The following ENPP3 variants were observed in gnomAD, a reference collection of about 807,000 sequenced individuals.
ENPP3 encodes the protein ectonucleotide pyrophosphatase/phosphodiesterase family member 3.
A neutral mutation model predicts 117.8 loss-of-function variants in ENPP3; 104 were observed. That is an observed-to-expected ratio of 0.88 (90% CI 0.75 to 1.04). The LOEUF (loss-of-function observed/expected upper bound fraction) is 1.04. Ranked by LOEUF, ENPP3 falls within the 50% of genes least tolerant of loss-of-function variation. The pLI is 0.00. For synonymous variants in ENPP3, 380 were observed against 349.9 expected (o/e 1.09, Z -0.96); for missense variants, 1,026 against 1,051.9 (o/e 0.98, Z 0.34).
At position 131,639,265 on chromosome 6, in the gene ENPP3, A is replaced by ATATTTTTT. The variant is rs371737976; in HGVS notation, c.78+1804_78+1805insATTTTTTT. Among the ~76,000 whole-genome samples, 153 of 107,162 alleles carry ATATTTTTT rather than the reference A, an allele frequency of 1.4e-3. 1 individual carries two copies. The highest frequency in any genetic ancestry group is 4.8e-3 in the Middle Eastern group (1 of 208). The allele number at this position is 107,162 out of a possible 152,430, so 70.3% of individuals were successfully genotyped here. On this transcript the variant is annotated intron_variant, in intron 1 of 24. Coordinates refer to ENST00000357639, the MANE Select transcript of ENPP3 (RefSeq NM_005021.5). ...TATGCTAATATATATATATATATAT[A>ATATTTTTT]TTTTTTTTTTTTTCTCTCTCTCTTT...
At chr6:131,675,670 G>C (rs1358686411) in intron 9 of ENPP3, among the ~76,000 whole-genome samples, 3 of 151,778 alleles carry the variant, frequency 2.0e-5, no homozygotes, top group Non-Finnish European at 4.4e-5. Context: ...TCTACCAGAA[G>C]AAAAAATACA....
intron 15 of ENPP3, among the ~76,000 whole-genome samples, chr6:131,703,505 A>G (rs1447512583): frequency 7.3e-6 from 1 of 136,978 alleles, no homozygotes; most frequent in Non-Finnish European, 1.5e-5. Context: ...GCAAAATTTG[A>G]GCATTAAGAG....
At chr6:131,742,618 C>A (rs1780550810) in intron 24 of ENPP3, among the ~76,000 whole-genome samples, 3 of 152,046 alleles carry the variant, frequency 2.0e-5, no homozygotes, top group African/African-American at 7.2e-5. Flanking sequence ...ACAACAACAA[C>A]AAAAATACAA....
chr6:131,668,407 G>T (rs975924782), intron 6 of ENPP3, among the ~76,000 whole-genome samples: 2 of 151,846 alleles, frequency 1.3e-5, no homozygotes, highest in Non-Finnish European at 2.9e-5. Flanking sequence ...TAGAGCCAGG[G>T]TTTCACCATG....
chr6:131,738,274 GTTA>G, intron 23 of ENPP3, 111 bp downstream of exon 23: 1 of 856,526 alleles, frequency 1.2e-6, no homozygotes, highest in Non-Finnish European at 1.8e-6. Flanking sequence ...ACAGACAAAT[GTTA>G]TTGTTGACTA....
chr6:131,651,970 G>A (rs74889882), intron 3 of ENPP3, among the ~76,000 whole-genome samples: 2,929 of 152,254 alleles, frequency 0.019, 110 homozygotes, highest in African/African-American at 0.068. Flanking sequence ...CCTGCCTCCA[G>A]CCTCTTGCTG....
At chr6:131,745,179 T>A (rs1780609554) in intron 24 of ENPP3, among the ~76,000 whole-genome samples, 1 of 151,832 alleles carries the variant, frequency 6.6e-6, no homozygotes, top group Non-Finnish European at 1.5e-5. Flanking sequence ...AGATATTAGG[T>A]GCTGCTGAAA....
At chr6:131,640,943 A>T (rs940967847) in intron 1 of ENPP3, among the ~76,000 whole-genome samples, 1 of 152,166 alleles carries the variant, frequency 6.6e-6, no homozygotes, top group Non-Finnish European at 1.5e-5. Context: ...AGACCAAAAC[A>T]GATTATTTGC....
intron 16 of ENPP3, among the ~76,000 whole-genome samples, chr6:131,719,133 G>T (rs1779960040): frequency 6.6e-6 from 1 of 152,070 alleles, no homozygotes; most frequent in Non-Finnish European, 1.5e-5. Flanking sequence ...GGGGTACCCT[G>T]GGGGGCAGTA....
chr6:131,713,325 G>T (rs989376377), intron 15 of ENPP3, among the ~76,000 whole-genome samples: 1 of 151,274 alleles, frequency 6.6e-6, no homozygotes, highest in African/African-American at 2.4e-5. Flanking sequence ...CACCTGCCAA[G>T]AATTTTTTTC....
At chr6:131,746,363 A>G (rs1780635823) in intron 24 of ENPP3, among the ~76,000 whole-genome samples, 1 of 152,178 alleles carries the variant, frequency 6.6e-6, no homozygotes, top group Admixed American at 6.5e-5. Flanking sequence ...AAAAAATTGT[A>G]GAATACCACT....
chr6:131,694,056 G>T (rs925069764), intron 15 of ENPP3, among the ~76,000 whole-genome samples: 12 of 152,276 alleles, frequency 7.9e-5, no homozygotes, highest in Middle Eastern at 3.4e-3. Flanking sequence ...TGAATTAGTT[G>T]TAACATTTAT....
intron 21 of ENPP3, 75 bp from the exon 22 acceptor site, chr6:131,737,280 T>C (rs1180280784): frequency 6.1e-6 from 5 of 814,408 alleles, no homozygotes; most frequent in Non-Finnish European, 1.0e-5. Context: ...TAATATGTAA[T>C]AGTAGTATGC....
At chr6:131,691,876 G>A (rs928273772) in intron 14 of ENPP3, among the ~76,000 whole-genome samples, 1 of 152,092 alleles carries the variant, frequency 6.6e-6, no homozygotes, top group Non-Finnish European at 1.5e-5. Context: ...GCTTAAGAAA[G>A]AAGTAATGAT....
At chr6:131,732,571 C>T (rs989723969) in intron 20 of ENPP3, among the ~76,000 whole-genome samples, 1 of 151,808 alleles carries the variant, frequency 6.6e-6, no homozygotes, top group African/African-American at 2.4e-5. Context: ...CACCACCACA[C>T]CTGGCTGATT....
rs368371746 is a variant in ENPP3, at chr6:131,693,571, C to A, written c.1359C>A (p.Asn453Lys). The A allele has an allele frequency of 6.2e-7, 1 of 1,613,864 alleles. No homozygotes were observed. The highest frequency in any genetic ancestry group is 1.1e-5 in the South Asian group (1 of 91,018). The change falls in exon 15 of 25, where the codon AAC becomes AAA. Residue 453 changes from asparagine to lysine, a missense_variant. Physicochemically the swap from Asn to Lys is moderately conservative, Grantham distance 94 (BLOSUM62 0). Transcript: ENST00000357639. ...CAAAGCGACTGCACTATGCCAAGAA[C>A]GTCAGAATCGACAAAGTTCATCTCT... ...DLPKRLHYAKNVRIDKVHLFV... is the reference protein window; with the variant it reads ...DLPKRLHYAKKVRIDKVHLFV...
At chr6:131,688,325 G>A (rs1779201492) in intron 14 of ENPP3, among the ~76,000 whole-genome samples, 1 of 152,116 alleles carries the variant, frequency 6.6e-6, no homozygotes, top group African/African-American at 2.4e-5. Context: ...AGGCCAATTA[G>A]TAATGCTACA....
chr6:131,674,803 C>A (rs150154147), intron 8 of ENPP3, among the ~76,000 whole-genome samples: 1 of 152,004 alleles, frequency 6.6e-6, no homozygotes, highest in Non-Finnish European at 1.5e-5. Flanking sequence ...ATCTCCTGAC[C>A]TCGTGATCCT....
At chr6:131,738,599 T>C (rs1294009953) in intron 23 of ENPP3, among the ~76,000 whole-genome samples, 3 of 152,100 alleles carry the variant, frequency 2.0e-5, no homozygotes, top group Admixed American at 6.5e-5. Context: ...TAGTGAACAG[T>C]TCATAAAAGC....
Sources: gnomAD v4.1 joint callset for allele counts (sites outside exome capture counted in the v4.1 genomes callset) on GRCh38, gnomAD v4.1.1 for gene constraint, MANE v1.5 for transcripts, NCBI Gene and HGNC (gene_info 2026-07-23, HGNC 2026-07-21) for gene names.